Variants in PPP1R21 observed in about 807,000 individuals in gnomAD.
PPP1R21 encodes the protein protein phosphatase 1 regulatory subunit 21.
A neutral mutation model predicts 112.8 loss-of-function variants in PPP1R21; 85 were observed. The observed-to-expected ratio is 0.75, with a 90% CI of 0.63 to 0.90. PPP1R21 has a LOEUF of 0.90. PPP1R21 is among the 40% of genes least tolerant of loss of function. The pLI is 0.00. For missense variants in PPP1R21, 1,199 were observed against 901.5 expected, an observed-to-expected ratio of 1.33 and a Z score of -4.23; for synonymous variants, 381 against 322.3, an observed-to-expected ratio of 1.18 and a Z score of -1.95.
At chr2:48,506,269 C>T (rs1490678810) in intron 18 of PPP1R21, among the ~76,000 whole-genome samples, 3 of 152,114 alleles carry the variant, frequency 2.0e-5, no homozygotes, top group African/African-American at 7.2e-5. Context: ...AATTTTTGTA[C>T]TTCTAGTAGA....
intron 1 of PPP1R21, among the ~76,000 whole-genome samples, chr2:48,443,675 A>G (rs1315724322): frequency 6.6e-6 from 1 of 152,238 alleles, no homozygotes; most frequent in Non-Finnish European, 1.5e-5. Flanking sequence ...ACAGGAGAAC[A>G]GATCCTGATC....
At position 48,499,261 on chromosome 2, in the gene PPP1R21, T is replaced by C. The variant is rs527819786; in HGVS notation, c.1935+526T>C. ...GGATATCTCCTTCAAAAAGTAACCA[T>C]TAAATTCCCTGTGATTTTACATGAG... On this transcript the variant is annotated intron_variant, in intron 17 of 21. Transcript: ENST00000294952. Among the ~76,000 whole-genome samples, 4 of 152,306 alleles carry C rather than the reference T, an allele frequency of 2.6e-5. No individual in the cohort carries two copies. In the South Asian group the frequency reaches 8.3e-4, roughly 32 times the overall value.
At chr2:48,444,048 AAAC>A (rs1414437043) in intron 1 of PPP1R21, among the ~76,000 whole-genome samples, 3 of 146,618 alleles carry the variant, frequency 2.0e-5, no homozygotes, top group Admixed American at 2.0e-4. Context: ...AAGAAAAAAA[AAAC>A]CAAACAAACA....
intron 11 of PPP1R21, among the ~76,000 whole-genome samples, chr2:48,474,249 G>T (rs1224746040): frequency 4.6e-5 from 7 of 152,148 alleles, no homozygotes; most frequent in African/African-American, 1.7e-4. Context: ...CGGGCGTGGT[G>T]GTGGGTGCCT....
At chr2:48,453,851 A>G (rs918825438) in intron 2 of PPP1R21, among the ~76,000 whole-genome samples, 1 of 152,224 alleles carries the variant, frequency 6.6e-6, no homozygotes, top group Non-Finnish European at 1.5e-5. Flanking sequence ...TGCAGACTTC[A>G]TTTTGACTAA....
In PPP1R21 at chr2:48,479,936, A is replaced by G. The variant is rs748019817; in HGVS notation, c.1238A>G (p.Asp413Gly). The change falls in exon 13 of 22, where the codon GAT (aspartate) becomes GGT (glycine). Residue 413 changes from aspartate (D) to glycine (G), a missense_variant. Asp to Gly is a moderately conservative substitution (Grantham distance 94). Coordinates refer to ENST00000294952, the MANE Select transcript of PPP1R21 (RefSeq NM_001135629.3). ...ALLALPSTEP[D>G]GLLRTNYSSV... Reference sequence around the variant, plus strand: ...TTTGATTTCCTAGGTACAGAGCCAGATGGACTCCTTCGGACAAACTACAGT... The same window carrying G: ...TTTGATTTCCTAGGTACAGAGCCAGGTGGACTCCTTCGGACAAACTACAGT... The G allele has an allele frequency of 6.2e-7, 1 of 1,608,766 alleles. No individual in the cohort carries two copies. The highest frequency in any genetic ancestry group is 8.5e-7 in the Non-Finnish European group (1 of 1,175,148).
chr2:48,510,060 G>A lies in PPP1R21; in HGVS notation c.2131G>A (p.Glu711Lys). The A allele has an allele frequency of 4.3e-6, 7 of 1,614,050 alleles. No homozygotes were observed. Among genetic ancestry groups the A allele is most frequent in the Non-Finnish European group, 5.9e-6 (7 of 1,179,932 alleles). Residue 711 changes from glutamate (E) to lysine (K), a missense_variant, in exon 20 of 22, where the codon GAA (glutamate) becomes AAA (lysine). Physicochemically the swap from Glu to Lys is moderately conservative, Grantham distance 56. Coordinates refer to ENST00000294952, the MANE Select transcript of PPP1R21 (RefSeq NM_001135629.3). The part of the protein sequence containing the change: ...KRLALAEKSK[E>K]ALTEEMKLAS... ...ACTGGCCTTGGCTGAAAAGTCTAAG[G>A]AAGCATTGACAGAAGAAATGAAACT...
In PPP1R21 at chr2:48,469,511, TATATATATATATATATATATATATAGAGC is replaced by T. The variant is rs1433200596; in HGVS notation, c.898-1562_898-1534del. ...AGCATATATATATATATATAGAGCA[TATATATATATATATATATATATATAGAGC>T]ATATATATATATAGAGAGAGAGAGA... On this transcript the variant is annotated intron_variant, in intron 9 of 21. Transcript: ENST00000294952. 1.4e-3 allele frequency among the ~76,000 whole-genome samples: 6 copies of T among 4,210 alleles called. 1 individual carries two copies. The highest frequency in any genetic ancestry group is 2.1e-3 in the Non-Finnish European group (5 of 2,394). 2.8% of individuals were successfully genotyped at this position (4,210 alleles called of 152,430 possible).
intron 20 of PPP1R21, among the ~76,000 whole-genome samples, chr2:48,510,929 G>C (rs1465777156): frequency 6.6e-6 from 1 of 152,210 alleles, no homozygotes; most frequent in African/African-American, 2.4e-5. Context: ...AGAAAAACTT[G>C]TTGCCATTTC....
At position 48,514,112 on chromosome 2, in the gene PPP1R21, T is replaced by A. The variant is rs1348862135; in HGVS notation, c.2314-603T>A. 6.5e-5 allele frequency among the ~76,000 whole-genome samples: 9 copies of A among 137,974 alleles called. 1 individual carries two copies. The highest frequency in any genetic ancestry group is 4.9e-4 in the South Asian group (2 of 4,094). The allele number at this position is 137,974 out of a possible 152,430, so 90.5% of individuals were successfully genotyped here. A position where few individuals can be genotyped will look rare whatever the true frequency, so the allele number is the denominator to read the frequency against. ...TTTTTTTTTTGAGACAGAGTCTTGT[T>A]GCTCCATCTCCCGGGTTCATGCCAT... On this transcript the variant is annotated intron_variant, in intron 21 of 21. Transcript: ENST00000294952.
chr2:48,465,057 A>C, intron 8 of PPP1R21, 68 bp downstream of exon 8: 1 of 1,298,176 alleles, frequency 7.7e-7, no homozygotes, highest in South Asian at 1.4e-5. Context: ...AACAAGAATT[A>C]GTTGTGTTTG....
intron 13 of PPP1R21, among the ~76,000 whole-genome samples, chr2:48,483,156 C>T (rs1275460525): frequency 3.4e-5 from 5 of 147,936 alleles, no homozygotes; most frequent in East Asian, 2.0e-4. Flanking sequence ...ATGACGTATA[C>T]GTACTACATT....
intron 9 of PPP1R21, among the ~76,000 whole-genome samples, chr2:48,469,261 TTG>T (rs745866100): frequency 0.036 from 1,647 of 46,208 alleles, 110 homozygotes; most frequent in East Asian, 0.19. Flanking sequence ...TATATTTGAA[TTG>T]TGTGTGTGTG....
At chr2:48,508,800 A>G (rs534299227) in intron 19 of PPP1R21, among the ~76,000 whole-genome samples, 1 of 152,258 alleles carries the variant, frequency 6.6e-6, no homozygotes, top group Non-Finnish European at 1.5e-5. Context: ...TTTGTGAGAA[A>G]TGAAATAAGT....
chr2:48,471,226 G>C, intron 10 of PPP1R21, 38 bp downstream of exon 10: 1 of 1,604,582 alleles, frequency 6.2e-7, no homozygotes, highest in Non-Finnish European at 8.5e-7. Context: ...GAAACTGGGA[G>C]CTCCTCTTTG....
intron 15 of PPP1R21, 50 bp from the exon 16 acceptor site, chr2:48,495,629 A>C (rs1333113717): frequency 5.3e-6 from 5 of 951,626 alleles, no homozygotes; most frequent in Non-Finnish European, 5.2e-6. Flanking sequence ...GATGCAGGGG[A>C]GGGGTGATAC....
Position 48,515,341 on chromosome 2 carries a change from A to G in PPP1R21, c.*597A>G, listed in dbSNP as rs1670829952. On this transcript the variant is annotated 3_prime_UTR_variant, in exon 22 of 22. Transcript: ENST00000294952. ...GCTCTTTGATACCCTGTGTTAGAGT[A>G]ATAGCTAAAGGAAGTTCATGTCAAT... 6.6e-6 allele frequency: 1 copy of G among 151,760 alleles called. No homozygotes were observed. Among genetic ancestry groups the G allele is most frequent in the African/African-American group, 2.4e-5 (1 of 41,268 alleles). 9.4% of individuals were successfully genotyped at this position (151,760 alleles called of 1,614,324 possible).
chr2:48,484,147 T>A (rs561441786), intron 13 of PPP1R21, among the ~76,000 whole-genome samples: 46 of 152,302 alleles, frequency 3.0e-4, no homozygotes, highest in African/African-American at 9.4e-4. Flanking sequence ...AGCCCTGCGT[T>A]TGGGGGTTTG....
At chr2:48,477,072 T>A (rs546211639) in intron 12 of PPP1R21, among the ~76,000 whole-genome samples, 1 of 152,098 alleles carries the variant, frequency 6.6e-6, no homozygotes, top group South Asian at 2.1e-4. Flanking sequence ...GTTTTATAGT[T>A]TTAACTCTTA....
Sources: gnomAD v4.1 joint callset for allele counts (sites outside exome capture counted in the v4.1 genomes callset) on GRCh38, gnomAD v4.1.1 for gene constraint, MANE v1.5 for transcripts, NCBI Gene and HGNC (gene_info 2026-07-23, HGNC 2026-07-21) for gene names.